The following CTNNA2 variants were observed in gnomAD, a reference collection of about 807,000 sequenced individuals.
The protein encoded by CTNNA2 is catenin alpha 2, also known as catenin alpha-2.
In CTNNA2, 42 loss-of-function variants were observed where a neutral mutation model predicts 101.0. That is an observed-to-expected ratio of 0.42 (90% CI 0.32 to 0.54). CTNNA2 has a LOEUF of 0.54. Among genes scored for constraint, CTNNA2 ranks in the 20% least tolerant of loss-of-function variants. The probability of loss-of-function intolerance (pLI) is 0.14; values close to 1 mark genes in which losing one functional copy is unlikely to be tolerated. For synonymous variants in CTNNA2, 450 were observed against 456.4 expected (o/e 0.99, Z 0.18); for missense variants, 871 against 1,223.1 (o/e 0.71, Z 4.29).
At chr2:79,504,579 C>T (rs754473712) in intron 4 of CTNNA2, among the ~76,000 whole-genome samples, 16 of 152,102 alleles carry the variant, frequency 1.1e-4, no homozygotes, top group South Asian at 4.1e-4. Context: ...CGTGAGCCAC[C>T]GCACCCGACC....
chr2:80,176,800 C>G (rs181457805), intron 7 of CTNNA2, among the ~76,000 whole-genome samples: 2 of 152,312 alleles, frequency 1.3e-5, no homozygotes, highest in Admixed American at 6.5e-5. Context: ...CTATAACTTC[C>G]TTTCTTCCTT....
chr2:79,844,821 C>G (rs1158398239), intron 3 of CTNNA2, among the ~76,000 whole-genome samples: 1 of 28,394 alleles, frequency 3.5e-5, no homozygotes, highest in Non-Finnish European at 8.8e-5. Flanking sequence ...ACATTTTCAT[C>G]TATACTCTGT....
At chr2:79,364,441 A>G (rs1022135792) in intron 3 of CTNNA2, among the ~76,000 whole-genome samples, 3 of 152,196 alleles carry the variant, frequency 2.0e-5, no homozygotes, top group African/African-American at 7.2e-5. Context: ...GGGTTCTGCG[A>G]AAATCTACTC....
chr2:80,148,361 T>C (rs1170945937), intron 7 of CTNNA2, among the ~76,000 whole-genome samples: 2 of 152,170 alleles, frequency 1.3e-5, no homozygotes, highest in Non-Finnish European at 2.9e-5. Flanking sequence ...TATTTACAAG[T>C]CAACAGTCAG....
intron 7 of CTNNA2, among the ~76,000 whole-genome samples, chr2:79,929,394 G>C (rs1393245630): frequency 6.6e-6 from 1 of 152,194 alleles, no homozygotes; most frequent in African/African-American, 2.4e-5. Flanking sequence ...TTCCGAAACT[G>C]TATGTATGAC....
At chr2:80,529,537 T>G (rs1025387973) in intron 9 of CTNNA2, among the ~76,000 whole-genome samples, 1 of 152,214 alleles carries the variant, frequency 6.6e-6, no homozygotes, top group Admixed American at 6.5e-5. Context: ...TTTATAGCCC[T>G]CTTTTGTTCT....
intron 2 of CTNNA2, among the ~76,000 whole-genome samples, chr2:79,223,012 A>G (rs555409747): frequency 7.2e-5 from 11 of 152,130 alleles, no homozygotes; most frequent in Non-Finnish European, 1.6e-4. Flanking sequence ...TTAGCCAGGC[A>G]TAGTGCAAGT....
At chr2:80,621,811 T>C (rs1671152388) in intron 18 of CTNNA2, among the ~76,000 whole-genome samples, 2 of 151,902 alleles carry the variant, frequency 1.3e-5, no homozygotes, top group Non-Finnish European at 2.9e-5. Context: ...GCAACCTCTT[T>C]GAGGAGTCTG....
chr2:79,884,065 T>C (rs977915456), intron 6 of CTNNA2, among the ~76,000 whole-genome samples: 3 of 152,232 alleles, frequency 2.0e-5, no homozygotes, highest in African/African-American at 7.2e-5. Context: ...CAAAGGTACA[T>C]TATAATCTTT....
At chr2:79,217,704 GA>G (rs1674284741) in intron 2 of CTNNA2, among the ~76,000 whole-genome samples, 1 of 152,192 alleles carries the variant, frequency 6.6e-6, no homozygotes, top group Admixed American at 6.5e-5. Context: ...TCAGAGGCCT[GA>G]CAAAAGTAAA....
chr2:79,834,473 A>G (rs1180997599), intron 3 of CTNNA2, among the ~76,000 whole-genome samples: 2 of 152,042 alleles, frequency 1.3e-5, no homozygotes, highest in South Asian at 2.1e-4. Context: ...GCAAAATTAT[A>G]TCTTGCTGTT....
intron 4 of CTNNA2, among the ~76,000 whole-genome samples, chr2:79,400,598 G>A (rs2104480441): frequency 6.6e-6 from 1 of 152,032 alleles, no homozygotes; most frequent in East Asian, 1.9e-4. Context: ...TATCCAGTCT[G>A]AAGGTCAAAA....
At chr2:79,192,056 C>T (rs181069080) in intron 1 of CTNNA2, among the ~76,000 whole-genome samples, 15 of 151,706 alleles carry the variant, frequency 9.9e-5, no homozygotes, top group African/African-American at 3.6e-4. Context: ...TGGTTGAAGT[C>T]GGTGGAAGAG....
intron 7 of CTNNA2, among the ~76,000 whole-genome samples, chr2:80,344,983 G>A (rs866606785): frequency 2.8e-4 from 42 of 152,198 alleles, no homozygotes; most frequent in Middle Eastern, 6.8e-3. Flanking sequence ...CACCACTTCC[G>A]ATCACTACCA....
intron 1 of CTNNA2, among the ~76,000 whole-genome samples, chr2:79,615,267 TA>T (rs1237875867): frequency 4.6e-5 from 7 of 152,308 alleles, no homozygotes; most frequent in Admixed American, 4.6e-4. Context: ...TTCTAAATGT[TA>T]GAATAATTTC....
chr2:80,607,437 G>A (rs1320319700), intron 16 of CTNNA2, among the ~76,000 whole-genome samples: 1 of 151,842 alleles, frequency 6.6e-6, no homozygotes, highest in African/African-American at 2.4e-5. Flanking sequence ...AGCTCTGTGT[G>A]TGCTTGATGG....
chr2:79,209,287 G>C (rs1268682522), intron 2 of CTNNA2, among the ~76,000 whole-genome samples: 1 of 152,080 alleles, frequency 6.6e-6, no homozygotes, highest in East Asian at 1.9e-4. Context: ...CAAGATTCTA[G>C]CTTTTTATTT....
At chr2:80,565,949 A>G (rs1213569835) in intron 12 of CTNNA2, among the ~76,000 whole-genome samples, 1 of 152,176 alleles carries the variant, frequency 6.6e-6, no homozygotes, top group Non-Finnish European at 1.5e-5. Flanking sequence ...TTAAATATCA[A>G]GATTCATTTA....
intron 4 of CTNNA2, among the ~76,000 whole-genome samples, chr2:79,458,618 A>G (rs1249391988): frequency 6.6e-6 from 1 of 152,200 alleles, no homozygotes; most frequent in Non-Finnish European, 1.5e-5. Flanking sequence ...TCTGTACTTA[A>G]CAAGGTGAAG....
Sources: allele counts gnomAD v4.1 joint callset (sites outside exome capture counted in the v4.1 genomes callset), GRCh38; gene constraint gnomAD v4.1.1; transcripts MANE v1.5; gene names NCBI Gene and HGNC (gene_info 2026-07-23, HGNC 2026-07-21).